SLC37A3: variants seen among roughly 807,000 people sequenced by gnomAD.
SLC37A3 encodes solute carrier family 37 member 3.
A neutral mutation model predicts 67.1 loss-of-function variants in SLC37A3; 51 were observed. That is an observed-to-expected ratio of 0.76 (90% CI 0.61 to 0.96). The LOEUF (loss-of-function observed/expected upper bound fraction) is 0.96, where lower values mean the gene tolerates loss of function less well. Among genes scored for constraint, SLC37A3 ranks in the 40% least tolerant of loss-of-function variants. The probability of loss-of-function intolerance (pLI) is 0.00; values close to 1 mark genes in which losing one functional copy is unlikely to be tolerated. For synonymous variants in SLC37A3, 214 were observed against 231.4 expected (o/e 0.92, Z 0.68); for missense variants, 508 against 603.0 (o/e 0.84, Z 1.65).
chr7:140,375,981 G>A (rs756266811), intron 3 of SLC37A3, among the ~76,000 whole-genome samples: 1 of 152,150 alleles, frequency 6.6e-6, no homozygotes, highest in Non-Finnish European at 1.5e-5. Context: ...GACTCATCAG[G>A]ACCCATGATT....
At chr7:140,350,846 T>C (rs1374234228) in intron 9 of SLC37A3, among the ~76,000 whole-genome samples, 2 of 152,174 alleles carry the variant, frequency 1.3e-5, no homozygotes. Context: ...TTGGTCCACA[T>C]ATAATTCTAT....
In SLC37A3 at chr7:140,345,863, A is replaced by T. The variant is rs760692371; in HGVS notation, c.1126+6T>A. ...AAGGAATTAGTAATTGCAAAAGAATACTCACGACTATACCCGATGAGGGAC... is the reference window on the plus strand; with the variant it reads ...AAGGAATTAGTAATTGCAAAAGAATTCTCACGACTATACCCGATGAGGGAC... On this transcript the variant is annotated splice_donor_region_variant and intron_variant, in intron 11 of 14. Coordinates refer to ENST00000326232, the MANE Select transcript of SLC37A3 (RefSeq NM_207113.3). 1 of 1,606,292 alleles carries T rather than the reference A, an allele frequency of 6.2e-7. No homozygotes were observed.
chr7:140,354,745 T>G (rs190318077), intron 7 of SLC37A3, among the ~76,000 whole-genome samples: 5,300 of 150,270 alleles, frequency 0.035, 130 homozygotes, highest in South Asian at 0.062. Context: ...TTGGTGTTTT[T>G]TTTTTTTTTT....
intron 7 of SLC37A3, among the ~76,000 whole-genome samples, chr7:140,355,441 C>T (rs192435022): frequency 7.3e-4 from 110 of 151,078 alleles, no homozygotes; most frequent in African/African-American, 2.7e-3. Flanking sequence ...CTCAAACTCC[C>T]GACCTCGGCT....
chr7:140,362,461 G>T (rs1442550090), intron 5 of SLC37A3, among the ~76,000 whole-genome samples: 1 of 146,826 alleles, frequency 6.8e-6, no homozygotes, highest in African/African-American at 2.6e-5. Flanking sequence ...CGCCCCGTCT[G>T]GGAGGTGAGG....
chr7:140,379,477 GAAA>G (rs58367114), intron 3 of SLC37A3: 3 of 85,124 alleles, frequency 3.5e-5, no homozygotes, highest in Admixed American at 1.3e-4. Context: ...TCTGTCTCAA[GAAA>G]AAAAAAAAAA....
At chr7:140,367,936 C>T (rs1259900983) in intron 4 of SLC37A3, among the ~76,000 whole-genome samples, 1 of 151,648 alleles carries the variant, frequency 6.6e-6, no homozygotes, top group Non-Finnish European at 1.5e-5. Context: ...TCTTCTGCCT[C>T]AGCCTCCCAA....
At chr7:140,359,053 C>A (rs2117122579) in intron 5 of SLC37A3, among the ~76,000 whole-genome samples, 1 of 152,288 alleles carries the variant, frequency 6.6e-6, no homozygotes, top group Non-Finnish European at 1.5e-5. Flanking sequence ...ATCTTCAAGG[C>A]TAAAAAGTGA....
intron 9 of SLC37A3, among the ~76,000 whole-genome samples, chr7:140,349,596 C>T (rs1206752224): frequency 6.6e-6 from 1 of 152,136 alleles, no homozygotes; most frequent in East Asian, 1.9e-4. Flanking sequence ...ATTCTTTTCC[C>T]TGGAGCTGCC....
intron 3 of SLC37A3, among the ~76,000 whole-genome samples, chr7:140,375,488 AAT>A (rs1797998527): frequency 6.6e-6 from 1 of 151,946 alleles, no homozygotes; most frequent in South Asian, 2.1e-4. Context: ...AAAAAAAAAA[AAT>A]TAAATCTAAA....
chr7:140,376,852 C>T (rs1284941605), intron 3 of SLC37A3, among the ~76,000 whole-genome samples: 6 of 152,058 alleles, frequency 3.9e-5, no homozygotes, highest in African/African-American at 1.4e-4. Flanking sequence ...TGGCTCACTG[C>T]AGCCTTGACC....
chr7:140,340,713 GA>G, intron 13 of SLC37A3, among the ~76,000 whole-genome samples: 1 of 151,324 alleles, frequency 6.6e-6, no homozygotes, highest in Middle Eastern at 3.2e-3. Flanking sequence ...AGGATCACTT[GA>G]GCCCAGGAGT....
chr7:140,348,333 T>C (rs11974398), intron 10 of SLC37A3: 35,995 of 230,166 alleles, frequency 0.16, 3,586 homozygotes, highest in East Asian at 0.38. Context: ...GATTCCCATG[T>C]GCTTCCCGAG....
rs1307239027 is a variant in SLC37A3 at position 140,334,007 on chromosome 7, T to C, written c.*1405A>G. 6.6e-6 allele frequency: 1 copy of C among 152,368 alleles called. No homozygotes were observed. The highest frequency in any genetic ancestry group is 1.5e-5 in the Non-Finnish European group (1 of 68,018). The allele number at this position is 152,368 out of a possible 1,614,324, so 9.4% of individuals were successfully genotyped here. On this transcript the variant is annotated 3_prime_UTR_variant, in exon 15 of 15. Coordinates refer to ENST00000326232, the MANE Select transcript of SLC37A3 (RefSeq NM_207113.3). ...TTTAAAATATGTATATACAGAATGA[T>C]CTTAAAATATTGATAACTAGTATGG...
chr7:140,352,552 T>C (rs1796857850), intron 7 of SLC37A3, among the ~76,000 whole-genome samples: 1 of 152,058 alleles, frequency 6.6e-6, no homozygotes, highest in Admixed American at 6.6e-5. Context: ...ACCAAGAAGC[T>C]GAATAGATGA....
At chr7:140,394,948 G>A (rs1798860825) in intron 1 of SLC37A3, among the ~76,000 whole-genome samples, 3 of 151,874 alleles carry the variant, frequency 2.0e-5, no homozygotes, top group South Asian at 2.1e-4. Flanking sequence ...TCTCTCAAAC[G>A]ATGGAGTGCA....
At chr7:140,357,937 A>G (rs1224530402) in intron 6 of SLC37A3, among the ~76,000 whole-genome samples, 1 of 150,100 alleles carries the variant, frequency 6.7e-6, no homozygotes, top group Admixed American at 6.6e-5. Flanking sequence ...TTAGCTGGAC[A>G]TGGTGGTACA....
intron 1 of SLC37A3, among the ~76,000 whole-genome samples, chr7:140,393,100 A>C (rs921967843): frequency 1.3e-5 from 2 of 151,984 alleles, no homozygotes; most frequent in Non-Finnish European, 2.9e-5. Flanking sequence ...CCAAAAAAAA[A>C]ACTCAAAGGA....
chr7:140,352,796 A>G (rs1796867547), intron 7 of SLC37A3, among the ~76,000 whole-genome samples: 1 of 152,176 alleles, frequency 6.6e-6, no homozygotes, highest in Admixed American at 6.6e-5. Context: ...CTGATTTGGA[A>G]AGGTGACAGC....
Sources: allele counts gnomAD v4.1 joint callset (sites outside exome capture counted in the v4.1 genomes callset), GRCh38; gene constraint gnomAD v4.1.1; transcripts MANE v1.5; gene names NCBI Gene and HGNC (gene_info 2026-07-23, HGNC 2026-07-21).